TMEM117: variants seen among roughly 807,000 people sequenced by gnomAD.
TMEM117 encodes the protein transmembrane protein 117.
A neutral mutation model predicts 52.4 loss-of-function variants in TMEM117; 27 were observed. That is an observed-to-expected ratio of 0.51 (90% CI 0.38 to 0.71). The LOEUF (loss-of-function observed/expected upper bound fraction) is 0.71, where lower values mean the gene tolerates loss of function less well. TMEM117 is among the 30% of genes least tolerant of loss of function. The probability of loss-of-function intolerance (pLI) is 0.00; values close to 1 mark genes in which losing one functional copy is unlikely to be tolerated. For synonymous variants in TMEM117, 215 were observed against 206.3 expected, an observed-to-expected ratio of 1.04 and a Z score of -0.36; for missense variants, 556 against 630.5, an observed-to-expected ratio of 0.88 and a Z score of 1.26.
At chr12:44,151,535 G>C (rs1400365264) in intron 4 of TMEM117, among the ~76,000 whole-genome samples, 3 of 114,526 alleles carry the variant, frequency 2.6e-5, no homozygotes, top group African/African-American at 1.1e-4. Context: ...ACAGTCCCCA[G>C]GTGTGATGTT....
chr12:44,009,085 C>A, intron 3 of TMEM117: 1 of 358,506 alleles, frequency 2.8e-6, no homozygotes, highest in South Asian at 2.4e-5. Context: ...TGGTGTTTCC[C>A]ATGAAGACAC....
intron 2 of TMEM117, among the ~76,000 whole-genome samples, chr12:43,874,846 C>T (rs1049219916): frequency 6.6e-6 from 1 of 152,134 alleles, no homozygotes; most frequent in African/African-American, 2.4e-5. Context: ...TTTAAATATG[C>T]ACTGAAATCC....
chr12:44,218,459 A>G (rs912900490), intron 5 of TMEM117, among the ~76,000 whole-genome samples: 8 of 152,174 alleles, frequency 5.3e-5, no homozygotes, highest in East Asian at 3.9e-4. Flanking sequence ...AAACTCTACA[A>G]ACTTGGTATA....
chr12:44,160,920 C>G (rs893985963), intron 4 of TMEM117, among the ~76,000 whole-genome samples: 2 of 152,092 alleles, frequency 1.3e-5, no homozygotes, highest in African/African-American at 4.8e-5. Flanking sequence ...TGTGCTAAAG[C>G]CTGTTCTAAA....
At chr12:43,834,725 T>G (rs899462317), upstream of TMEM117, among the ~76,000 whole-genome samples, 3 of 152,224 alleles carry the variant, frequency 2.0e-5, no homozygotes, top group Admixed American at 2.0e-4. Flanking sequence ...TAGACACCCA[T>G]GTAGTTCAAT....
At chr12:44,284,273 C>G (rs1393770116) in intron 5 of TMEM117, among the ~76,000 whole-genome samples, 2 of 152,104 alleles carry the variant, frequency 1.3e-5, no homozygotes, top group Non-Finnish European at 2.9e-5. Flanking sequence ...GATCATGCCA[C>G]TGCATTCCAG....
the TMEM117 span, among the ~76,000 whole-genome samples, chr12:44,397,374 C>T: frequency 2.0e-5 from 3 of 152,130 alleles, no homozygotes; most frequent in South Asian, 2.1e-4. Flanking sequence ...ATAATGTCCC[C>T]ATTCTTTATG....
chr12:44,182,289 G>T (rs1352246644), intron 4 of TMEM117, among the ~76,000 whole-genome samples: 1 of 152,128 alleles, frequency 6.6e-6, no homozygotes, highest in African/African-American at 2.4e-5. Context: ...ATACAATCAT[G>T]TCATCTGCAA....
At chr12:44,170,172 T>C (rs574387529) in intron 4 of TMEM117, among the ~76,000 whole-genome samples, 69 of 151,796 alleles carry the variant, frequency 4.5e-4, no homozygotes, top group South Asian at 1.3e-3. Context: ...GAAACCATCA[T>C]TCTCAGCAAA....
At chr12:44,375,513 G>C (rs980278968) in intron 6 of TMEM117, among the ~76,000 whole-genome samples, 1 of 152,148 alleles carries the variant, frequency 6.6e-6, no homozygotes, top group Non-Finnish European at 1.5e-5. Flanking sequence ...CCAACAGAGA[G>C]GACAGTGGAA....
intron 4 of TMEM117, among the ~76,000 whole-genome samples, chr12:44,159,648 A>G (rs1410818418): frequency 6.6e-6 from 1 of 152,152 alleles, no homozygotes; most frequent in Non-Finnish European, 1.5e-5. Context: ...ATTTGGTGTC[A>G]AACTGTGGGG....
At chr12:43,878,841 A>G (rs1425744718) in intron 2 of TMEM117, among the ~76,000 whole-genome samples, 1 of 152,222 alleles carries the variant, frequency 6.6e-6, no homozygotes, top group Non-Finnish European at 1.5e-5. Flanking sequence ...TTGATCATTC[A>G]ATGTCTGTGA....
At chr12:44,156,731 G>T (rs982899051) in intron 4 of TMEM117, among the ~76,000 whole-genome samples, 4 of 152,060 alleles carry the variant, frequency 2.6e-5, no homozygotes, top group African/African-American at 4.8e-5. Context: ...GAATCTTTTG[G>T]TGCTGGAAGA....
In TMEM117 at chr12:44,022,282, A is replaced by G. The variant is rs575014055; in HGVS notation, c.410+77940A>G. The stretch of plus-strand genomic sequence containing the variant: ...GATGATACTACCTATAATTATTTTT[A>G]TTGACCAAACTACAATACAAAGGTG... On this transcript the variant is annotated intron_variant, in intron 3 of 7. Coordinates refer to ENST00000266534, the MANE Select transcript of TMEM117 (RefSeq NM_032256.3). Among the ~76,000 whole-genome samples the G allele has an allele frequency of 2.0e-5, 3 of 152,260 alleles. No individual in the cohort carries two copies. The South Asian group carries it at 6.2e-4, about 32-fold the overall frequency.
At chr12:44,083,420 A>G (rs1349958350) in intron 3 of TMEM117, among the ~76,000 whole-genome samples, 6 of 107,100 alleles carry the variant, frequency 5.6e-5, no homozygotes, top group African/African-American at 2.4e-4. Context: ...TTTTTTAGAC[A>G]TGGTTTCACT....
At chr12:44,107,507 T>C (rs887841711) in intron 3 of TMEM117, among the ~76,000 whole-genome samples, 1 of 152,098 alleles carries the variant, frequency 6.6e-6, no homozygotes, top group African/African-American at 2.4e-5. Flanking sequence ...TGAAGACTCA[T>C]TCACTGTGTC....
intron 6 of TMEM117, among the ~76,000 whole-genome samples, chr12:44,319,517 C>T (rs1453201156): frequency 6.6e-6 from 1 of 152,128 alleles, no homozygotes; most frequent in Non-Finnish European, 1.5e-5. Context: ...TCTGGGACGT[C>T]CTTCACTGTC....
intron 2 of TMEM117, among the ~76,000 whole-genome samples, chr12:43,867,959 C>A (rs1378427090): frequency 2.6e-5 from 4 of 152,020 alleles, no homozygotes; most frequent in Non-Finnish European, 5.9e-5. Context: ...AAAAAGAATA[C>A]ACATTTTTTC....
chr12:44,106,741 A>AAATT (rs3064371), intron 3 of TMEM117, among the ~76,000 whole-genome samples: 135,224 of 151,584 alleles, frequency 0.89, 60,412 homozygotes, highest in East Asian at 1. Context: ...TACATAATCT[A>AAATT]AATAATTGAT....
Sources: gnomAD v4.1 joint callset for allele counts (sites outside exome capture counted in the v4.1 genomes callset) on GRCh38, gnomAD v4.1.1 for gene constraint, MANE v1.5 for transcripts, NCBI Gene and HGNC (gene_info 2026-07-23, HGNC 2026-07-21) for gene names.